The following ADORA2B variants were observed in gnomAD, a reference collection of about 807,000 sequenced individuals.
The protein encoded by ADORA2B is adenosine A2b receptor.
ADORA2B carries 18 observed loss-of-function variants against 20.8 expected under a neutral mutation model. The ratio of observed to expected loss-of-function variants is 0.87; its 90% CI spans 0.60 to 1.29. The LOEUF (loss-of-function observed/expected upper bound fraction) is 1.29. Among genes scored for constraint, ADORA2B ranks in the 50% most tolerant of loss-of-function variants. The pLI is 0.00. For missense variants in ADORA2B, 441 were observed against 422.7 expected, an observed-to-expected ratio of 1.04 and a Z score of -0.38; for synonymous variants, 179 against 178.3, an observed-to-expected ratio of 1.00 and a Z score of -0.03.
At chr17:15,940,118 AT>A in the ADORA2B span, among the ~76,000 whole-genome samples, 1 of 152,220 alleles carries the variant, frequency 6.6e-6, no homozygotes, top group Non-Finnish European at 1.5e-5. Flanking sequence ...TTTTGCAAAC[AT>A]TGTTCAAGAA....
At chr17:15,957,794 G>A (rs1352244807) in intron 1 of ADORA2B, among the ~76,000 whole-genome samples, 1 of 151,982 alleles carries the variant, frequency 6.6e-6, no homozygotes, top group Non-Finnish European at 1.5e-5. Flanking sequence ...CCTCCCACCC[G>A]TCTCCGCCCA....
chr17:15,884,421 T>A, the ADORA2B span, among the ~76,000 whole-genome samples: 1 of 152,150 alleles, frequency 6.6e-6, no homozygotes, highest in African/African-American at 2.4e-5. Context: ...ACTTTTAACT[T>A]CTGGGGTACA....
the ADORA2B span, among the ~76,000 whole-genome samples, chr17:15,873,232 C>T: frequency 1.3e-5 from 2 of 151,878 alleles, no homozygotes; most frequent in East Asian, 3.8e-4. Context: ...TCAACTTATA[C>T]AAAAAATCAA....
chr17:15,926,147 G>A, the ADORA2B span, among the ~76,000 whole-genome samples: 2 of 151,962 alleles, frequency 1.3e-5, no homozygotes, highest in South Asian at 4.1e-4. Flanking sequence ...TTTCAGCCTC[G>A]CATTTCTGAG....
chr17:15,951,167 A>C (rs1170119503), intron 1 of ADORA2B, among the ~76,000 whole-genome samples: 1 of 152,226 alleles, frequency 6.6e-6, no homozygotes, highest in Non-Finnish European at 1.5e-5. Flanking sequence ...ACGCCAGAAG[A>C]GGAGCTGCCC....
chr17:15,868,046 G>T, the ADORA2B span, among the ~76,000 whole-genome samples: 1 of 147,080 alleles, frequency 6.8e-6, no homozygotes, highest in African/African-American at 2.6e-5. Flanking sequence ...CTTCTGCCTT[G>T]GGATCCTGTT....
the ADORA2B span, among the ~76,000 whole-genome samples, chr17:15,888,150 CAT>C: frequency 7.8e-6 from 1 of 127,936 alleles, no homozygotes; most frequent in African/African-American, 3.4e-5. Flanking sequence ...CCACCATAGA[CAT>C]GTGATTCACT....
At chr17:15,923,206 A>ATTCTTTTTTTTTTTTTTTTTTT in the ADORA2B span, among the ~76,000 whole-genome samples, 3 of 113,528 alleles carry the variant, frequency 2.6e-5, no homozygotes, top group African/African-American at 1.1e-4. Context: ...TCTTTTTTTA[A>ATTCTTTTTTTTTTTTTTTTTTT]TTTTTTTTTT....
the ADORA2B span, among the ~76,000 whole-genome samples, chr17:15,852,593 C>T: frequency 3.3e-5 from 5 of 152,044 alleles, no homozygotes; most frequent in Non-Finnish European, 5.9e-5. Context: ...ATATTAGACA[C>T]GGACTTTAAA....
chr17:15,967,392 T>C (rs1422107805), intron 1 of ADORA2B, among the ~76,000 whole-genome samples: 1 of 152,024 alleles, frequency 6.6e-6, no homozygotes, highest in Non-Finnish European at 1.5e-5. Context: ...GCCAACACAC[T>C]CGGCTAATTT....
the ADORA2B span, among the ~76,000 whole-genome samples, chr17:15,887,633 G>C: frequency 7.8e-6 from 1 of 128,222 alleles, no homozygotes; most frequent in Non-Finnish European, 1.6e-5. Context: ...AGTGGGTTTA[G>C]GAGGTCTGCA....
chr17:15,891,846 T>A, the ADORA2B span, among the ~76,000 whole-genome samples: 2 of 58,428 alleles, frequency 3.4e-5, no homozygotes, highest in Non-Finnish European at 6.6e-5. Context: ...AATGCCCAGC[T>A]TTTTTTTTTT....
chr17:15,939,703 A>G, the ADORA2B span, among the ~76,000 whole-genome samples: 23 of 151,018 alleles, frequency 1.5e-4, no homozygotes, highest in South Asian at 4.2e-3. Flanking sequence ...CTAAAAATAC[A>G]AAAAAAAATT....
At chr17:15,923,206 A>ATTCTTTTTTTTTTTTTTTTTTTT in the ADORA2B span, among the ~76,000 whole-genome samples, 1 of 113,528 alleles carries the variant, frequency 8.8e-6, no homozygotes, top group African/African-American at 3.6e-5. Flanking sequence ...TCTTTTTTTA[A>ATTCTTTTTTTTTTTTTTTTTTTT]TTTTTTTTTT....
the ADORA2B span, among the ~76,000 whole-genome samples, chr17:15,857,706 T>C: frequency 6.6e-6 from 1 of 151,938 alleles, no homozygotes; most frequent in Non-Finnish European, 1.5e-5. Flanking sequence ...GCTTCTTTAT[T>C]TTGGTCAATT....
intron 1 of ADORA2B, among the ~76,000 whole-genome samples, chr17:15,961,747 G>C (rs1597427308): frequency 2.0e-5 from 3 of 152,334 alleles, no homozygotes; most frequent in South Asian, 2.1e-4. Context: ...GAGAGGGTAA[G>C]AGAGGTGAGA....
intron 1 of ADORA2B, among the ~76,000 whole-genome samples, chr17:15,945,892 CG>C (rs1024505491): frequency 6.6e-6 from 1 of 152,084 alleles, no homozygotes; most frequent in African/African-American, 2.4e-5. Flanking sequence ...GCGTCACCCC[CG>C]GGGAAAGCGT....
At chr17:15,949,784 T>C (rs1597847113) in intron 1 of ADORA2B, among the ~76,000 whole-genome samples, 2 of 152,074 alleles carry the variant, frequency 1.3e-5, no homozygotes, top group Admixed American at 1.3e-4. Flanking sequence ...GACAGGAGAA[T>C]TGCTTGAACC....
the ADORA2B span, among the ~76,000 whole-genome samples, chr17:15,917,516 GGGGTCTGACGCCC>G: frequency 2.0e-5 from 3 of 152,230 alleles, no homozygotes; most frequent in South Asian, 6.2e-4. Context: ...AGGCTGGGCT[GGGGTCTGACGCCC>G]GAGGACCCCT....
Sources: gnomAD v4.1 joint callset for allele counts (sites outside exome capture counted in the v4.1 genomes callset) on GRCh38, gnomAD v4.1.1 for gene constraint, MANE v1.5 for transcripts, NCBI Gene and HGNC (gene_info 2026-07-23, HGNC 2026-07-21) for gene names.